The following SGCZ variants were observed in gnomAD, a reference collection of about 807,000 sequenced individuals.
The protein encoded by SGCZ is sarcoglycan zeta, also known as zeta-sarcoglycan.
SGCZ carries 40 observed loss-of-function variants against 41.3 expected under a neutral mutation model. The ratio of observed to expected loss-of-function variants is 0.97; its 90% CI spans 0.75 to 1.26. The LOEUF (loss-of-function observed/expected upper bound fraction) is 1.26. Among genes scored for constraint, SGCZ ranks in the 50% most tolerant of loss-of-function variants. SGCZ has a pLI of 0.00. For missense variants in SGCZ, 552 were observed against 369.8 expected (o/e 1.49, Z -4.04); for synonymous variants, 206 against 137.5 (o/e 1.50, Z -3.49).
At chr8:14,976,376 G>A (rs549946332) in intron 1 of SGCZ, among the ~76,000 whole-genome samples, 1 of 152,192 alleles carries the variant, frequency 6.6e-6, no homozygotes. Flanking sequence ...ACACTTTTTA[G>A]AAACTGATAA....
intron 1 of SGCZ, among the ~76,000 whole-genome samples, chr8:15,064,115 C>G (rs534551200): frequency 2.8e-4 from 42 of 152,244 alleles, no homozygotes; most frequent in African/African-American, 9.9e-4. Flanking sequence ...GTTCTTGTCT[C>G]TTTCTTCATT....
intron 1 of SGCZ, among the ~76,000 whole-genome samples, chr8:15,153,094 T>C (rs1181299192): frequency 6.6e-6 from 1 of 152,194 alleles, no homozygotes; most frequent in Non-Finnish European, 1.5e-5. Flanking sequence ...GAGAAAATCA[T>C]TTGAGAGACT....
intron 4 of SGCZ, among the ~76,000 whole-genome samples, chr8:14,173,835 G>A (rs968171405): frequency 1.3e-5 from 2 of 151,956 alleles, no homozygotes; most frequent in Non-Finnish European, 2.9e-5. Flanking sequence ...ACTAAACACT[G>A]CCATAAAATT....
At chr8:14,760,153 T>C (rs1799814973) in intron 1 of SGCZ, among the ~76,000 whole-genome samples, 1 of 152,184 alleles carries the variant, frequency 6.6e-6, no homozygotes, top group Admixed American at 6.6e-5. Flanking sequence ...ATTATGTAAA[T>C]AAATGACTAT....
intron 3 of SGCZ, among the ~76,000 whole-genome samples, chr8:14,292,502 C>T (rs1476097806): frequency 6.6e-6 from 1 of 152,034 alleles, no homozygotes; most frequent in Non-Finnish European, 1.5e-5. Flanking sequence ...ATTCAACATA[C>T]TCTGAAGATG....
intron 3 of SGCZ, among the ~76,000 whole-genome samples, chr8:14,244,038 G>C (rs1023702287): frequency 6.6e-6 from 1 of 152,118 alleles, no homozygotes; most frequent in Non-Finnish European, 1.5e-5. Flanking sequence ...TTGAATGAAT[G>C]AACTGAACTG....
rs73517496 is a variant in SGCZ at position 14,449,621 on chromosome 8, C to G, written c.234+105111G>C. The stretch of plus-strand genomic sequence containing the variant: ...TCCATCGTCCCTCCACAGTATGAAG[C>G]ATCCTCATAGGAAGCCTTGTAAGTA... On this transcript the variant is annotated intron_variant, in intron 2 of 7. Transcript: ENST00000382080. 4.1e-3 allele frequency among the ~76,000 whole-genome samples: 623 copies of G among 152,250 alleles called. 2 individuals are homozygous for G. The highest frequency in any genetic ancestry group is 0.014 in the African/African-American group (597 of 41,558).
intron 1 of SGCZ, among the ~76,000 whole-genome samples, chr8:14,568,289 C>T (rs573158148): frequency 6.6e-6 from 1 of 152,050 alleles, no homozygotes; most frequent in African/African-American, 2.4e-5. Context: ...GCATGTAGGG[C>T]TTGAAACCTA....
chr8:14,726,311 C>CATATATATATATATATCTATAT (rs1202306930), intron 1 of SGCZ, among the ~76,000 whole-genome samples: 1 of 107,674 alleles, frequency 9.3e-6, no homozygotes, highest in African/African-American at 3.6e-5. Flanking sequence ...TGTGTAAATA[C>CATATATATATATATATCTATAT]ATATATATAT....
chr8:14,128,853 C>A (rs368707085), intron 5 of SGCZ, among the ~76,000 whole-genome samples: 1 of 152,022 alleles, frequency 6.6e-6, no homozygotes, highest in Non-Finnish European at 1.5e-5. Flanking sequence ...AAGTCAAAAA[C>A]GACATATTCT....
intron 1 of SGCZ, among the ~76,000 whole-genome samples, chr8:14,586,912 A>C: frequency 6.6e-6 from 1 of 152,160 alleles, no homozygotes; most frequent in East Asian, 1.9e-4. Flanking sequence ...AGTGGTGATT[A>C]CCTAGTTAAA....
At chr8:14,364,480 A>T (rs1442987153) in intron 2 of SGCZ, among the ~76,000 whole-genome samples, 1 of 152,126 alleles carries the variant, frequency 6.6e-6, no homozygotes, top group African/African-American at 2.4e-5. Context: ...GCAGCAATGC[A>T]TTGAGGATTT....
intron 5 of SGCZ, among the ~76,000 whole-genome samples, chr8:14,121,380 A>G (rs1045777866): frequency 3.3e-5 from 5 of 152,260 alleles, no homozygotes; most frequent in Non-Finnish European, 7.4e-5. Context: ...AGGGTGTTTA[A>G]AAAGTGACTA....
intron 1 of SGCZ, among the ~76,000 whole-genome samples, chr8:14,574,538 G>C (rs996568881): frequency 2.0e-5 from 3 of 152,124 alleles, no homozygotes; most frequent in Non-Finnish European, 4.4e-5. Context: ...GAGCAGACAG[G>C]ACTTGCTAGG....
At chr8:14,816,641 T>C (rs1801910210) in intron 1 of SGCZ, among the ~76,000 whole-genome samples, 2 of 147,180 alleles carry the variant, frequency 1.4e-5, no homozygotes, top group African/African-American at 2.6e-5. Context: ...TGTTGGACTC[T>C]GAGGTGAATA....
At chr8:14,499,066 T>C (rs1250025287) in intron 2 of SGCZ, among the ~76,000 whole-genome samples, 1 of 152,088 alleles carries the variant, frequency 6.6e-6, no homozygotes, top group East Asian at 1.9e-4. Flanking sequence ...ATTTAATATT[T>C]TGACCTCTTA....
At chr8:14,342,636 A>C (rs1208447933) in intron 2 of SGCZ, among the ~76,000 whole-genome samples, 1 of 152,170 alleles carries the variant, frequency 6.6e-6, no homozygotes, top group South Asian at 2.1e-4. Flanking sequence ...ATTTCTCAGC[A>C]GCAGAGCATT....
chr8:14,987,486 G>C (rs981459307), intron 1 of SGCZ, among the ~76,000 whole-genome samples: 21 of 151,802 alleles, frequency 1.4e-4, no homozygotes, highest in Non-Finnish European at 1.5e-5. Context: ...GTGAAATATT[G>C]TACTCACTGT....
chr8:14,157,621 A>G (rs901771038), intron 5 of SGCZ, among the ~76,000 whole-genome samples: 1 of 152,006 alleles, frequency 6.6e-6, no homozygotes, highest in African/African-American at 2.4e-5. Flanking sequence ...TCAGTAGATT[A>G]AAAAAGAAGA....
Sources: gnomAD v4.1 joint callset for allele counts (sites outside exome capture counted in the v4.1 genomes callset) on GRCh38, gnomAD v4.1.1 for gene constraint, MANE v1.5 for transcripts, NCBI Gene and HGNC (gene_info 2026-07-23, HGNC 2026-07-21) for gene names.